RSRC1: variants seen among roughly 807,000 people sequenced by gnomAD.
RSRC1 encodes the protein serine/Arginine-related protein 53.
A neutral mutation model predicts 49.1 loss-of-function variants in RSRC1; 39 were observed. The ratio of observed to expected loss-of-function variants is 0.79; its 90% CI spans 0.61 to 1.04. The LOEUF is 1.04. RSRC1 is among the 50% of genes least tolerant of loss of function. RSRC1 has a pLI of 0.00. For synonymous variants in RSRC1, 143 were observed against 130.8 expected, an observed-to-expected ratio of 1.09 and a Z score of -0.63; for missense variants, 388 against 402.4, an observed-to-expected ratio of 0.96 and a Z score of 0.31.
At chr3:158,435,474 G>T (rs1043057354) in intron 6 of RSRC1, among the ~76,000 whole-genome samples, 7 of 151,648 alleles carry the variant, frequency 4.6e-5, no homozygotes, top group African/African-American at 7.2e-5. Flanking sequence ...TATAGGACTT[G>T]TGGTGGCTGT....
At chr3:158,233,284 A>C (rs1390217921) in intron 4 of RSRC1, among the ~76,000 whole-genome samples, 1 of 152,086 alleles carries the variant, frequency 6.6e-6, no homozygotes, top group Non-Finnish European at 1.5e-5. Context: ...TATTTTCCTG[A>C]AATTATTATA....
chr3:158,510,337 C>G (rs908980273), intron 7 of RSRC1, among the ~76,000 whole-genome samples: 42 of 152,132 alleles, frequency 2.8e-4, no homozygotes, highest in Non-Finnish European at 8.8e-5. Flanking sequence ...ATATGTATTA[C>G]AGATATCTTC....
At chr3:158,423,416 GT>G (rs1214675708) in intron 6 of RSRC1, among the ~76,000 whole-genome samples, 1 of 151,964 alleles carries the variant, frequency 6.6e-6, no homozygotes, top group Non-Finnish European at 1.5e-5. Flanking sequence ...TGAGGGCTCT[GT>G]TCTGTTCCAT....
intron 6 of RSRC1, among the ~76,000 whole-genome samples, chr3:158,364,937 T>C (rs958109580): frequency 3.3e-5 from 5 of 151,548 alleles, no homozygotes; most frequent in Non-Finnish European, 5.9e-5. Flanking sequence ...GTGTACCTTA[T>C]AGAGATTTAT....
chr3:158,496,157 A>G (rs900291946), intron 7 of RSRC1, among the ~76,000 whole-genome samples: 7 of 152,130 alleles, frequency 4.6e-5, no homozygotes, highest in Admixed American at 2.0e-4. Flanking sequence ...TAGCGGTGCA[A>G]TTGGGGCACA....
chr3:158,217,809 A>G (rs1385881650), intron 4 of RSRC1, among the ~76,000 whole-genome samples: 2 of 150,492 alleles, frequency 1.3e-5, no homozygotes, highest in African/African-American at 4.9e-5. Flanking sequence ...TATCATTTTT[A>G]GTAGTAATAA....
intron 3 of RSRC1, among the ~76,000 whole-genome samples, chr3:158,186,884 G>A (rs376287130): frequency 6.6e-6 from 1 of 151,852 alleles, no homozygotes; most frequent in Admixed American, 6.6e-5. Flanking sequence ...GATATGATGA[G>A]AATTCCAAAA....
At chr3:158,291,882 A>C (rs1484375945) in intron 4 of RSRC1, among the ~76,000 whole-genome samples, 1 of 152,204 alleles carries the variant, frequency 6.6e-6, no homozygotes, top group Non-Finnish European at 1.5e-5. Context: ...TTTGTTTACA[A>C]ATTTCTTAAG....
chr3:158,368,455 C>T (rs1731895306), intron 6 of RSRC1, among the ~76,000 whole-genome samples: 1 of 152,198 alleles, frequency 6.6e-6, no homozygotes, highest in African/African-American at 2.4e-5. Flanking sequence ...TCACTTCCTA[C>T]CAGGACCATG....
rs1354466231 is a variant in RSRC1, at chr3:158,340,498, A to G, written c.532-14359A>G. Reference sequence around the variant, plus strand: ...GGAGGTTGCAGTGAGCTGAGATCACACCACTGCACTCCAGCCTGGGCGACA... The same window carrying G: ...GGAGGTTGCAGTGAGCTGAGATCACGCCACTGCACTCCAGCCTGGGCGACA... On this transcript the variant is annotated intron_variant, in intron 5 of 9. Transcript: ENST00000611884. Among the ~76,000 whole-genome samples the G allele has an allele frequency of 4.6e-5, 7 of 152,236 alleles. No individual in the cohort carries two copies. In the East Asian group the frequency reaches 1.4e-3, roughly 29 times the overall value.
At chr3:158,308,696 T>G (rs1411599780) in intron 5 of RSRC1, among the ~76,000 whole-genome samples, 1 of 151,970 alleles carries the variant, frequency 6.6e-6, no homozygotes, top group Non-Finnish European at 1.5e-5. Context: ...CTGTATGCGC[T>G]TAATCTTAAT....
intron 4 of RSRC1, among the ~76,000 whole-genome samples, chr3:158,218,951 C>A (rs561025283): frequency 6.6e-6 from 1 of 151,712 alleles, no homozygotes; most frequent in Admixed American, 6.6e-5. Flanking sequence ...AGTTTGGAAG[C>A]CAGACACACA....
intron 3 of RSRC1, among the ~76,000 whole-genome samples, chr3:158,130,579 G>A (rs1234651423): frequency 1.3e-5 from 2 of 152,094 alleles, no homozygotes; most frequent in East Asian, 1.9e-4. Context: ...TATGTTTCAT[G>A]TATACCTTAT....
At chr3:158,221,219 CAAG>C (rs1464613925) in intron 4 of RSRC1, among the ~76,000 whole-genome samples, 1 of 151,480 alleles carries the variant, frequency 6.6e-6, no homozygotes, top group African/African-American at 2.4e-5. Flanking sequence ...TAATAAATAG[CAAG>C]AAGAAAGTGT....
At chr3:158,506,947 T>C (rs1739887613) in intron 7 of RSRC1, among the ~76,000 whole-genome samples, 1 of 151,954 alleles carries the variant, frequency 6.6e-6, no homozygotes, top group Non-Finnish European at 1.5e-5. Context: ...CTTGTGTTTA[T>C]TGCAGCACTA....
intron 6 of RSRC1, among the ~76,000 whole-genome samples, chr3:158,444,880 G>T (rs1736605170): frequency 6.6e-6 from 1 of 152,156 alleles, no homozygotes; most frequent in South Asian, 2.1e-4. Context: ...AGACATTTAT[G>T]CAGCCAAAAG....
chr3:158,114,218 T>C (rs1445360870), intron 1 of RSRC1, among the ~76,000 whole-genome samples: 1 of 152,216 alleles, frequency 6.6e-6, no homozygotes, highest in Admixed American at 6.5e-5. Context: ...TACATATGGC[T>C]AGCCAGTTCT....
In RSRC1 at chr3:158,322,977, CAG is replaced by C. The variant is rs532397947; in HGVS notation, c.531+24904_531+24905del. On this transcript the variant is annotated intron_variant, in intron 5 of 9. Transcript: ENST00000611884. The stretch of plus-strand genomic sequence containing the variant: ...TCTTTGAAGTCTTTGTCTGCTAAAA[CAG>C]ACATCTGGGTTAATTTGGAGTTTCT... Among the ~76,000 whole-genome samples, 552 of 152,304 alleles carry C rather than the reference CAG, an allele frequency of 3.6e-3. 2 individuals carry two copies. The highest frequency in any genetic ancestry group is 0.01 in the Middle Eastern group (3 of 294).
intron 5 of RSRC1, among the ~76,000 whole-genome samples, chr3:158,332,282 T>C (rs557089521): frequency 6.6e-6 from 1 of 152,290 alleles, no homozygotes; most frequent in Admixed American, 6.5e-5. Flanking sequence ...TTATGATGAA[T>C]TGTGAAGTGG....
Sources: gnomAD v4.1 joint callset for allele counts (sites outside exome capture counted in the v4.1 genomes callset) on GRCh38, gnomAD v4.1.1 for gene constraint, MANE v1.5 for transcripts, NCBI Gene and HGNC (gene_info 2026-07-23, HGNC 2026-07-21) for gene names.